Variants in ASIC2 observed in about 807,000 individuals in gnomAD.
ASIC2 encodes the protein acid-sensing ion channel 2.
ASIC2 carries 25 observed loss-of-function variants against 57.3 expected under a neutral mutation model. The observed-to-expected ratio is 0.44, with a 90% CI of 0.32 to 0.61. The LOEUF (loss-of-function observed/expected upper bound fraction) is 0.61, where lower values mean the gene tolerates loss of function less well. Ranked by LOEUF, ASIC2 falls within the 20% of genes least tolerant of loss-of-function variation. The pLI, the probability that ASIC2 is intolerant of heterozygous loss-of-function variation, is 0.06. For missense variants in ASIC2, 641 were observed against 738.1 expected, an observed-to-expected ratio of 0.87 and a Z score of 1.52; for synonymous variants, 319 against 307.5, an observed-to-expected ratio of 1.04 and a Z score of -0.39.
At chr17:33,117,794 G>A (rs4594294) in intron 1 of ASIC2, among the ~76,000 whole-genome samples, 2,746 of 152,304 alleles carry the variant, frequency 0.018, 102 homozygotes, top group African/African-American at 0.063. Flanking sequence ...ATACTCGAAG[G>A]AAGTACTATG....
intron 1 of ASIC2, among the ~76,000 whole-genome samples, chr17:33,436,853 C>CTTCTTT (rs1356302162): frequency 0.017 from 1,149 of 66,546 alleles, 75 homozygotes; most frequent in Middle Eastern, 0.032. Context: ...ATTCCAACTT[C>CTTCTTT]TTTTTTTTTT....
chr17:34,112,341 C>T (rs1309547055), intron 1 of ASIC2, among the ~76,000 whole-genome samples: 1 of 149,292 alleles, frequency 6.7e-6, no homozygotes, highest in Non-Finnish European at 1.5e-5. Context: ...AATTCAATAA[C>T]AAAAAAAGAC....
chr17:33,106,325 A>G (rs1397178859), intron 2 of ASIC2, among the ~76,000 whole-genome samples: 1 of 152,172 alleles, frequency 6.6e-6, no homozygotes, highest in African/African-American at 2.4e-5. Flanking sequence ...TACTTGACAT[A>G]TTATCATGTT....
Position 33,486,878 on chromosome 17 carries a change from C to T in ASIC2, c.556-374811G>A, listed in dbSNP as rs538096872. ...AGGGAGAACCACCAAGTGAGAAGGA[C>T]AAGGGCAGTGCTGAGTTTTCTCTCT... On this transcript the variant is annotated intron_variant, in intron 1 of 9. Transcript: ENST00000359872. Among the ~76,000 whole-genome samples the T allele has an allele frequency of 2.6e-5, 4 of 152,182 alleles. No individual in the cohort carries two copies. The East Asian group carries it at 7.7e-4, about 29-fold the overall frequency.
At chr17:33,178,030 A>G (rs1207416335) in intron 1 of ASIC2, among the ~76,000 whole-genome samples, 4 of 152,120 alleles carry the variant, frequency 2.6e-5, no homozygotes, top group African/African-American at 9.7e-5. Flanking sequence ...TCTGTGTACA[A>G]TTCAAGGGGG....
At chr17:33,283,396 C>T (rs1393774464) in intron 1 of ASIC2, among the ~76,000 whole-genome samples, 1 of 152,114 alleles carries the variant, frequency 6.6e-6, no homozygotes, top group Non-Finnish European at 1.5e-5. Context: ...AGGCCTTGCC[C>T]CAACCTACTG....
chr17:33,924,325 T>A (rs1915777488), intron 1 of ASIC2, among the ~76,000 whole-genome samples: 1 of 152,230 alleles, frequency 6.6e-6, no homozygotes, highest in South Asian at 2.1e-4. Flanking sequence ...CCATTTGCTC[T>A]GCTGGCTTAA....
chr17:33,702,780 T>A (rs78607626), intron 1 of ASIC2, among the ~76,000 whole-genome samples: 1 of 152,196 alleles, frequency 6.6e-6, no homozygotes, highest in East Asian at 1.9e-4. Flanking sequence ...TATATAAGTG[T>A]CATATGTTGC....
At chr17:33,609,533 C>A (rs1282352527) in intron 1 of ASIC2, among the ~76,000 whole-genome samples, 2 of 152,168 alleles carry the variant, frequency 1.3e-5, no homozygotes, top group African/African-American at 4.8e-5. Flanking sequence ...TAAATGCTGC[C>A]CCCAAGCTCA....
At chr17:33,597,155 G>A (rs1243052657) in intron 1 of ASIC2, among the ~76,000 whole-genome samples, 7 of 152,166 alleles carry the variant, frequency 4.6e-5, no homozygotes, top group Non-Finnish European at 1.0e-4. Flanking sequence ...TCAACCCAGC[G>A]GACACCTGTT....
chr17:33,552,096 G>C (rs1915768736), intron 1 of ASIC2, among the ~76,000 whole-genome samples: 1 of 152,242 alleles, frequency 6.6e-6, no homozygotes, highest in African/African-American at 2.4e-5. Context: ...AGCCTCTGCT[G>C]CCTCGCTTCA....
chr17:33,897,593 C>T (rs749511838), intron 1 of ASIC2, among the ~76,000 whole-genome samples: 7 of 152,348 alleles, frequency 4.6e-5, no homozygotes, highest in South Asian at 2.1e-4. Context: ...AAAGCCATGG[C>T]GGCACAGTGG....
intron 1 of ASIC2, among the ~76,000 whole-genome samples, chr17:33,424,799 C>T (rs372785933): frequency 3.3e-5 from 5 of 152,152 alleles, no homozygotes; most frequent in Non-Finnish European, 7.3e-5. Context: ...CCTTCTACCC[C>T]CACAGCCACC....
rs1489914139 is a variant in ASIC2, at chr17:33,498,288, AC to A, written c.556-386222del. ...CAAAGCTGGTTGTGATTCCGAGGCAACTCAAGCAGCACAGACAGTGATTTCA... is the reference window on the plus strand; with the variant it reads ...CAAAGCTGGTTGTGATTCCGAGGCAATCAAGCAGCACAGACAGTGATTTCA... On this transcript the variant is annotated intron_variant, in intron 1 of 9. Coordinates refer to the ASIC2 transcript ENST00000359872. Among the ~76,000 whole-genome samples, 6 of 152,342 alleles carry A rather than the reference AC, an allele frequency of 3.9e-5. No individual in the cohort carries two copies. In the East Asian group the frequency reaches 1.2e-3, roughly 29 times the overall value.
At chr17:34,012,167 C>T (rs760791348) in intron 1 of ASIC2, among the ~76,000 whole-genome samples, 3 of 152,194 alleles carry the variant, frequency 2.0e-5, no homozygotes, top group African/African-American at 2.4e-5. Context: ...TGCATTCAAG[C>T]GGTCACGGAA....
intron 1 of ASIC2, chr17:33,932,713 C>A (rs1160385140): frequency 2.3e-5 from 1 of 44,074 alleles, no homozygotes; most frequent in African/African-American, 1.1e-4. Context: ...AACTTTGTTT[C>A]AAAAAAAAAA....
chr17:33,920,026 G>T (rs1412511374), intron 1 of ASIC2, among the ~76,000 whole-genome samples: 1 of 152,156 alleles, frequency 6.6e-6, no homozygotes, highest in Non-Finnish European at 1.5e-5. Context: ...AACAACAGAT[G>T]CTGGTGAAGC....
At chr17:33,082,701 A>AAAT (rs145468633) in intron 3 of ASIC2, among the ~76,000 whole-genome samples, 2,481 of 139,550 alleles carry the variant, frequency 0.018, 42 homozygotes, top group Middle Eastern at 0.029. Flanking sequence ...TCTGTCTCCA[A>AAAT]AAATAAATAA....
intron 1 of ASIC2, among the ~76,000 whole-genome samples, chr17:33,282,705 C>T (rs369068686): frequency 2.0e-5 from 3 of 152,120 alleles, no homozygotes; most frequent in Admixed American, 6.6e-5. Flanking sequence ...GAACTCCTGA[C>T]CTCAAGTGAT....
Sources: gnomAD v4.1 joint callset for allele counts (sites outside exome capture counted in the v4.1 genomes callset) on GRCh38, gnomAD v4.1.1 for gene constraint, MANE v1.5 for transcripts, NCBI Gene and HGNC (gene_info 2026-07-23, HGNC 2026-07-21) for gene names.